The following ROR1 variants were observed in gnomAD, a reference collection of about 807,000 sequenced individuals.
The protein encoded by ROR1 is ROR family WNT receptor 1.
In ROR1, 19 loss-of-function variants were observed where a neutral mutation model predicts 78.8. The observed-to-expected ratio is 0.24, with a 90% CI of 0.17 to 0.35. ROR1 has a LOEUF of 0.35. Among genes scored for constraint, ROR1 ranks in the 10% least tolerant of loss-of-function variants. The probability of loss-of-function intolerance (pLI) is 1.00; values close to 1 mark genes in which losing one functional copy is unlikely to be tolerated. For synonymous variants in ROR1, 386 were observed against 433.6 expected (o/e 0.89, Z 1.36); for missense variants, 917 against 1,177.8 (o/e 0.78, Z 3.24).
intron 1 of ROR1, among the ~76,000 whole-genome samples, chr1:63,830,028 T>C (rs1451082240): frequency 6.6e-6 from 1 of 151,470 alleles, no homozygotes; most frequent in Admixed American, 6.6e-5. Flanking sequence ...AAAAAAAACC[T>C]TCATAAAAAC....
At chr1:64,111,179 C>A (rs1648079469) in intron 4 of ROR1, 1 of 152,136 alleles carries the variant, frequency 6.6e-6, no homozygotes, top group Admixed American at 6.6e-5. Flanking sequence ...AGGAGCCAGA[C>A]TTAAGAAAGT....
chr1:64,053,032 G>A (rs1405951782), intron 4 of ROR1, among the ~76,000 whole-genome samples: 1 of 152,160 alleles, frequency 6.6e-6, no homozygotes, highest in Non-Finnish European at 1.5e-5. Context: ...GGGACAGGCA[G>A]AAGATAACAA....
chr1:64,001,723 C>A (rs1161948614), intron 1 of ROR1, among the ~76,000 whole-genome samples: 1 of 152,124 alleles, frequency 6.6e-6, no homozygotes, highest in African/African-American at 2.4e-5. Flanking sequence ...GCGGCTCTCC[C>A]AGGCTCTAGT....
At chr1:64,135,783 T>G (rs549405396) in intron 4 of ROR1, among the ~76,000 whole-genome samples, 2 of 152,346 alleles carry the variant, frequency 1.3e-5, no homozygotes, top group South Asian at 4.1e-4. Flanking sequence ...TTCATTTGTA[T>G]GTGTATTTAA....
chr1:63,775,746 T>G (rs1034608080), intron 1 of ROR1, among the ~76,000 whole-genome samples: 1 of 152,198 alleles, frequency 6.6e-6, no homozygotes, highest in African/African-American at 2.4e-5. Context: ...TGTGTGAAAT[T>G]TTGATTTCTT....
At chr1:63,870,304 A>G (rs1645243552) in intron 1 of ROR1, among the ~76,000 whole-genome samples, 1 of 152,160 alleles carries the variant, frequency 6.6e-6, no homozygotes, top group Non-Finnish European at 1.5e-5. Flanking sequence ...TTGAACTCTG[A>G]GCATCTAGAG....
At chr1:64,119,562 C>A (rs1401032208) in intron 4 of ROR1, among the ~76,000 whole-genome samples, 2 of 151,176 alleles carry the variant, frequency 1.3e-5, no homozygotes, top group Non-Finnish European at 2.9e-5. Flanking sequence ...TCACTTGAAC[C>A]CAGGAGGTGG....
intron 7 of ROR1, among the ~76,000 whole-genome samples, chr1:64,155,086 G>T (rs1157976974): frequency 6.6e-6 from 1 of 152,094 alleles, no homozygotes; most frequent in African/African-American, 2.4e-5. Context: ...AGACAGGCTT[G>T]CATTCCAACC....
At chr1:63,798,000 C>A (rs1228098683) in intron 1 of ROR1, among the ~76,000 whole-genome samples, 4 of 152,120 alleles carry the variant, frequency 2.6e-5, no homozygotes, top group African/African-American at 9.7e-5. Flanking sequence ...TTTTGAGAGG[C>A]TGCATTCTTC....
At chr1:63,896,157 A>T (rs982361440) in intron 1 of ROR1, among the ~76,000 whole-genome samples, 1 of 152,210 alleles carries the variant, frequency 6.6e-6, no homozygotes, top group Non-Finnish European at 1.5e-5. Flanking sequence ...TTCATATCAT[A>T]TCATATTTAT....
chr1:63,793,292 G>A (rs1392435224), intron 1 of ROR1, among the ~76,000 whole-genome samples: 2 of 152,182 alleles, frequency 1.3e-5, no homozygotes, highest in Non-Finnish European at 2.9e-5. Context: ...CTACCATGAT[G>A]GCGATGGTAA....
intron 1 of ROR1, among the ~76,000 whole-genome samples, chr1:64,004,599 T>A (rs1646413189): frequency 6.6e-6 from 1 of 152,188 alleles, no homozygotes; most frequent in Admixed American, 6.5e-5. Context: ...CTGTGTAACC[T>A]CACGCATCAC....
At chr1:64,069,829 A>G (rs1646987906) in intron 4 of ROR1, among the ~76,000 whole-genome samples, 1 of 152,082 alleles carries the variant, frequency 6.6e-6, no homozygotes, top group Non-Finnish European at 1.5e-5. Context: ...TATTATTATT[A>G]TTGTGGTAAA....
chr1:63,809,837 T>C (rs564829510), intron 1 of ROR1, among the ~76,000 whole-genome samples: 2 of 152,230 alleles, frequency 1.3e-5, no homozygotes, highest in Non-Finnish European at 2.9e-5. Context: ...TTTTAGGTTT[T>C]GGATTTTCTT....
At chr1:63,836,252 C>G (rs551313353) in intron 1 of ROR1, among the ~76,000 whole-genome samples, 1 of 152,306 alleles carries the variant, frequency 6.6e-6, no homozygotes, top group East Asian at 1.9e-4. Flanking sequence ...CATAGTCCGT[C>G]CATGATTCAC....
intron 8 of ROR1, among the ~76,000 whole-genome samples, chr1:64,165,404 T>C (rs1041916888): frequency 2.6e-5 from 4 of 152,210 alleles, no homozygotes; most frequent in African/African-American, 9.6e-5. Flanking sequence ...GAAAAGTGTC[T>C]GTTCATGTCC....
chr1:64,142,890 C>T (rs1260701900), intron 7 of ROR1: 1 of 1,350,300 alleles, frequency 7.4e-7, no homozygotes, highest in African/African-American at 1.5e-5. Context: ...ATGGATGTAA[C>T]AGGGACCCAG....
At chr1:63,936,119 T>C (rs1645792330) in intron 1 of ROR1, among the ~76,000 whole-genome samples, 1 of 152,232 alleles carries the variant, frequency 6.6e-6, no homozygotes, top group African/African-American at 2.4e-5. Context: ...AAAGGATTAA[T>C]GCCTTCAGCC....
At chr1:63,812,485 A>G (rs926714078) in intron 1 of ROR1, among the ~76,000 whole-genome samples, 1 of 152,190 alleles carries the variant, frequency 6.6e-6, no homozygotes, top group African/African-American at 2.4e-5. Context: ...GGCTGGGGAC[A>G]TTGAAGGTAG....
Sources: allele counts gnomAD v4.1 joint callset (sites outside exome capture counted in the v4.1 genomes callset), GRCh38; gene constraint gnomAD v4.1.1; transcripts MANE v1.5; gene names NCBI Gene and HGNC (gene_info 2026-07-23, HGNC 2026-07-21).